Variants in HMCN1 observed in about 807,000 individuals in gnomAD.
HMCN1 encodes the protein hemicentin-1.
A neutral mutation model predicts 625.9 loss-of-function variants in HMCN1; 321 were observed. The ratio of observed to expected loss-of-function variants is 0.51; its 90% CI spans 0.47 to 0.56. HMCN1 has a LOEUF of 0.56. Among genes scored for constraint, HMCN1 ranks in the 20% least tolerant of loss-of-function variants. HMCN1 has a pLI of 0.00. For synonymous variants in HMCN1, 2,425 were observed against 2,417.6 expected, an observed-to-expected ratio of 1.00 and a Z score of -0.09; for missense variants, 6,588 against 6,887.3, an observed-to-expected ratio of 0.96 and a Z score of 1.54.
At chr1:186,045,491 A>G (rs1571771023) in intron 40 of HMCN1, among the ~76,000 whole-genome samples, 197 bp from the exon 41 acceptor site, 1 of 152,180 alleles carries the variant, frequency 6.6e-6, no homozygotes, top group East Asian at 1.9e-4. Context: ...TTAGTGAGAA[A>G]TATTTTTCAA....
chr1:185,829,403 C>A (rs1660719366), intron 1 of HMCN1, among the ~76,000 whole-genome samples: 1 of 152,046 alleles, frequency 6.6e-6, no homozygotes, highest in African/African-American at 2.4e-5. Flanking sequence ...TAAGTTCGCT[C>A]CCCTCACCCC....
chr1:185,741,153 C>T (rs978798845), intron 1 of HMCN1, among the ~76,000 whole-genome samples: 2 of 152,156 alleles, frequency 1.3e-5, no homozygotes, highest in South Asian at 4.1e-4. Flanking sequence ...AGGCCCTCAC[C>T]AGATGCAGCT....
Position 185,734,999 on chromosome 1 carries a change from C to T in HMCN1, c.220C>T (p.Pro74Ser). The T allele has an allele frequency of 6.2e-7, 1 of 1,614,028 alleles. No homozygotes were observed. Residue 74 changes from proline (P) to serine (S), a missense_variant, in exon 1 of 107, where the codon CCT (proline) becomes TCT (serine). Physicochemically the swap from Pro to Ser is moderately conservative, Grantham distance 74 (BLOSUM62 -1). This residue lies in a region of HMCN1 where 4,628 missense variants were observed against 4,853.1 expected (regional missense o/e 0.95). Transcript: ENST00000271588. ...AATTTTGGAGACGTCTTTGAAAAGA[C>T]CTAAAAGACCTCTTTTCAACTTTGC... ...SKILETSLKR[P>S]KRPLFNFALV...
At chr1:185,806,213 G>A (rs1377121434) in intron 1 of HMCN1, among the ~76,000 whole-genome samples, 2 of 152,080 alleles carry the variant, frequency 1.3e-5, no homozygotes, top group African/African-American at 2.4e-5. Flanking sequence ...TGAGGAAACT[G>A]TCATTAAGAG....
At chr1:186,174,456 A>C in intron 102 of HMCN1, 58 bp from the exon 103 acceptor site, 1 of 1,599,372 alleles carries the variant, frequency 6.3e-7, no homozygotes, top group Non-Finnish European at 8.6e-7. Flanking sequence ...GACTTTAAAT[A>C]CAATGACTTT....
chr1:185,792,242 A>G (rs1034923790), intron 1 of HMCN1, among the ~76,000 whole-genome samples: 17 of 152,238 alleles, frequency 1.1e-4, no homozygotes, highest in Non-Finnish European at 1.5e-5. Context: ...AATGGACCAC[A>G]TAGCATTCAT....
In HMCN1 at chr1:186,114,093, A is replaced by T; in HGVS notation, c.11246A>T (p.Asp3749Val). ...ACTCCAAGGATAACATGGAGAAAGG[A>T]TGGAGCTGTTCTAGCTGGGAATCAT... ...VPTPRITWRKDGAVLAGNHAR... is the reference protein window; with the variant it reads ...VPTPRITWRKVGAVLAGNHAR... Residue 3749 changes from aspartate to valine, a missense_variant, in exon 73 of 107, where the codon GAT becomes GTT. Transcript: ENST00000271588. The T allele has an allele frequency of 1.9e-6, 3 of 1,614,148 alleles. No homozygotes were observed. Among genetic ancestry groups the T allele is most frequent in the Non-Finnish European group, 2.5e-6 (3 of 1,179,990 alleles).
In HMCN1 at chr1:186,130,025, G is replaced by A; in HGVS notation, c.12964G>A (p.Asp4322Asn). 1 of 1,613,310 alleles carries A rather than the reference G, an allele frequency of 6.2e-7. No individual in the cohort carries two copies. The highest frequency in any genetic ancestry group is 1.3e-5 in the African/African-American group (1 of 74,998). The change falls in exon 84 of 107, where the codon GAT becomes AAT. Residue 4322 changes from aspartate to asparagine, a missense_variant. By Grantham distance (23) the Asp-to-Asn change is conservative (BLOSUM62 1). Transcript: ENST00000271588. Reference protein sequence around the residue: ...ELVIERVSKEDSGTYVCTAEN... With the variant: ...ELVIERVSKENSGTYVCTAEN... Reference sequence around the variant, plus strand: ...TGTTATTGAAAGAGTGTCAAAAGAGGATTCAGGTACTTATGTGTGCACCGC... The same window carrying A: ...TGTTATTGAAAGAGTGTCAAAAGAGAATTCAGGTACTTATGTGTGCACCGC...
At chr1:186,032,517 G>C (rs926176741) in intron 36 of HMCN1, among the ~76,000 whole-genome samples, 2 of 152,032 alleles carry the variant, frequency 1.3e-5, no homozygotes, top group Non-Finnish European at 2.9e-5. Context: ...AGATCTGATG[G>C]TCTTATAAGG....
At chr1:186,113,675 C>G (rs1660991296) in intron 72 of HMCN1, among the ~76,000 whole-genome samples, 1 of 152,206 alleles carries the variant, frequency 6.6e-6, no homozygotes. Context: ...TAAGAAATAT[C>G]ATCTTTAATT....
At chr1:186,148,505 T>C (rs1650467894) in intron 93 of HMCN1, among the ~76,000 whole-genome samples, 1 of 152,074 alleles carries the variant, frequency 6.6e-6, no homozygotes, top group African/African-American at 2.4e-5. Context: ...TTAGAAAATA[T>C]TTCTTTCTGT....
chr1:185,916,437 G>A lies in HMCN1; in HGVS notation c.900+4657G>A, dbSNP rs1347324884. Among the ~76,000 whole-genome samples the A allele has an allele frequency of 3.3e-5, 5 of 152,124 alleles. No individual in the cohort carries two copies. In the East Asian group the frequency reaches 9.6e-4, roughly 29 times the overall value. On this transcript the variant is annotated intron_variant, in intron 6 of 106. Coordinates refer to ENST00000271588, the MANE Select transcript of HMCN1 (RefSeq NM_031935.3). ...ACCCAATATTGTCATGGTTAAATGA[G>A]ATATTGGTAAAGTGCTTCAGCAGTT...
At chr1:185,983,448 T>TA (rs975309891) in intron 18 of HMCN1, among the ~76,000 whole-genome samples, 2 of 151,832 alleles carry the variant, frequency 1.3e-5, no homozygotes, top group Admixed American at 6.6e-5. Context: ...AAATAAAAAT[T>TA]AAAAAAAAGT....
intron 10 of HMCN1, among the ~76,000 whole-genome samples, chr1:185,932,832 G>C (rs1354373134): frequency 1.3e-5 from 2 of 152,016 alleles, no homozygotes; most frequent in East Asian, 3.9e-4. Flanking sequence ...AGGTACCCCA[G>C]AATTTAAAGT....
Position 186,057,050 on chromosome 1 carries a change from C to T in HMCN1, c.7145-184C>T, listed in dbSNP as rs917638257. ...GGAATGTCACACACACACACACACA[C>T]ACACACACACACACACAGCTGGTTG... On this transcript the variant is annotated intron_variant, in intron 45 of 106. Coordinates refer to ENST00000271588, the MANE Select transcript of HMCN1 (RefSeq NM_031935.3). Among the ~76,000 whole-genome samples, 113 of 151,856 alleles carry T rather than the reference C, an allele frequency of 7.4e-4. 1 individual carries two copies. Among genetic ancestry groups the T allele is most frequent in the African/African-American group, 2.5e-3 (104 of 41,458 alleles).
intron 1 of HMCN1, among the ~76,000 whole-genome samples, chr1:185,803,205 C>CAAAAAAAAAAAAAAAAAAAAAAACA: frequency 8.5e-5 from 5 of 58,774 alleles, no homozygotes; most frequent in East Asian, 6.5e-4. Flanking sequence ...AAAAAAAAAG[C>CAAAAAAAAAAAAAAAAAAAAAAACA]AAAAAAAAAA....
chr1:185,739,486 G>T (rs1653827375), intron 1 of HMCN1, among the ~76,000 whole-genome samples: 1 of 151,996 alleles, frequency 6.6e-6, no homozygotes, highest in Admixed American at 6.6e-5. Flanking sequence ...TCTCTTTAAG[G>T]CAGGTACCAG....
intron 55 of HMCN1, 142 bp from the exon 56 acceptor site, chr1:186,081,065 T>C: frequency 1.3e-6 from 1 of 781,680 alleles, no homozygotes; most frequent in Non-Finnish European, 2.3e-6. Flanking sequence ...TAGTATAAAA[T>C]GTTACCTGGG....
At chr1:186,017,211 T>C (rs923008506) in intron 33 of HMCN1, 140 bp downstream of exon 33, 1 of 674,200 alleles carries the variant, frequency 1.5e-6, no homozygotes, top group Non-Finnish European at 2.8e-6. Flanking sequence ...AAAGACATGC[T>C]CTATATACAA....
Sources: gnomAD v4.1 joint callset for allele counts (sites outside exome capture counted in the v4.1 genomes callset) on GRCh38, gnomAD v4.1.1 for gene constraint, gnomAD v4.1.1 regional missense constraint, MANE v1.5 for transcripts, NCBI Gene and HGNC (gene_info 2026-07-23, HGNC 2026-07-21) for gene names.